The following PDE3B variants were observed in gnomAD, a reference collection of about 807,000 sequenced individuals.
PDE3B encodes the protein phosphodiesterase 3B.
In PDE3B, 66 loss-of-function variants were observed where a neutral mutation model predicts 116.8. The observed-to-expected ratio is 0.56, with a 90% confidence interval of 0.46 to 0.69. The LOEUF is 0.69. Ranked by LOEUF, PDE3B falls within the 30% of genes least tolerant of loss-of-function variation. PDE3B has a pLI of 0.00. For missense variants in PDE3B, 1,384 were observed against 1,368.1 expected (o/e 1.01, Z -0.18); for synonymous variants, 595 against 533.6 (o/e 1.12, Z -1.59).
the PDE3B span, among the ~76,000 whole-genome samples, chr11:14,887,944 CCTTGT>C: frequency 6.6e-6 from 1 of 152,186 alleles, no homozygotes; most frequent in Non-Finnish European, 1.5e-5. Context: ...CTAATTTCAT[CCTTGT>C]CTTTTTACAG....
rs547311276 is a variant in PDE3B, at chr11:14,802,784, C to A, written c.1416-1160C>A. Among the ~76,000 whole-genome samples, 15 of 152,288 alleles carry A rather than the reference C, an allele frequency of 9.8e-5. No homozygotes were observed. The East Asian group carries it at 2.7e-3, about 27-fold the overall frequency. On this transcript the variant is annotated intron_variant, in intron 4 of 15. Coordinates refer to ENST00000282096, the MANE Select transcript of PDE3B (RefSeq NM_000922.4). ...GCTGTGGATGCCCATCCAGGAAACA[C>A]AGACTCCAAGGAAATAGGGTCAGTG...
chr11:14,779,951 A>G (rs749579476), intron 2 of PDE3B, among the ~76,000 whole-genome samples: 43 of 152,072 alleles, frequency 2.8e-4, no homozygotes, highest in Non-Finnish European at 5.9e-4. Flanking sequence ...GCATAGGCTC[A>G]AAATAAAGGG....
At chr11:14,763,918 G>C (rs1413757972) in intron 1 of PDE3B, among the ~76,000 whole-genome samples, 1 of 152,032 alleles carries the variant, frequency 6.6e-6, no homozygotes, top group African/African-American at 2.4e-5. Flanking sequence ...GCAGAACTTA[G>C]TTACAATGCC....
intron 1 of PDE3B, among the ~76,000 whole-genome samples, chr11:14,722,292 T>C (rs976567007): frequency 2.0e-5 from 3 of 151,824 alleles, no homozygotes; most frequent in Middle Eastern, 3.4e-3. Flanking sequence ...CACATGTACC[T>C]TAAAACTTAA....
chr11:14,825,317 C>T (rs1041232252), intron 7 of PDE3B, among the ~76,000 whole-genome samples: 2 of 152,042 alleles, frequency 1.3e-5, no homozygotes, highest in African/African-American at 4.8e-5. Flanking sequence ...GGGCTAAATG[C>T]CCCATTTAAA....
the PDE3B span, among the ~76,000 whole-genome samples, chr11:14,889,455 T>C: frequency 2.0e-5 from 3 of 152,228 alleles, no homozygotes; most frequent in African/African-American, 2.4e-5. Context: ...TTGGTGGTTA[T>C]CAACTAGATC....
chr11:14,661,812 A>G (rs1853928716), intron 1 of PDE3B, among the ~76,000 whole-genome samples: 1 of 152,204 alleles, frequency 6.6e-6, no homozygotes, highest in South Asian at 2.1e-4. Context: ...GTAAGCTCGA[A>G]CTGGGTGGAA....
intron 1 of PDE3B, among the ~76,000 whole-genome samples, chr11:14,726,025 A>G (rs964776174): frequency 1.3e-5 from 2 of 152,150 alleles, no homozygotes; most frequent in African/African-American, 4.8e-5. Context: ...AGACTCCGCT[A>G]TTCCTTGAAG....
At position 14,843,992 on chromosome 11, in the gene PDE3B, C is replaced by A; in HGVS notation, c.2486C>A (p.Thr829Lys). The change falls in exon 12 of 16, where the codon ACA (threonine) becomes AAA (lysine). Residue 829 changes from threonine to lysine, a missense_variant. Physicochemically the swap from Thr to Lys is moderately conservative, Grantham distance 78. Coordinates refer to ENST00000282096, the MANE Select transcript of PDE3B (RefSeq NM_000922.4). ...CATGATTATGATCACCCAGGGAGGA[C>A]AAATGCATTTCTAGTGGCTACAAAT... ...AMHDYDHPGR[T>K]NAFLVATNAP... The A allele has an allele frequency of 6.2e-7, 1 of 1,613,990 alleles. No homozygotes were observed. The highest frequency in any genetic ancestry group is 8.5e-7 in the Non-Finnish European group (1 of 1,179,928).
At chr11:14,834,042 G>A (rs1327761424) in intron 10 of PDE3B, among the ~76,000 whole-genome samples, 1 of 152,118 alleles carries the variant, frequency 6.6e-6, no homozygotes, top group Non-Finnish European at 1.5e-5. Flanking sequence ...TCCATAGGTA[G>A]TACTAATATA....
intron 1 of PDE3B, among the ~76,000 whole-genome samples, chr11:14,715,704 C>G (rs991407733): frequency 6.6e-6 from 1 of 152,192 alleles, no homozygotes; most frequent in Non-Finnish European, 1.5e-5. Context: ...TATCTGCAAA[C>G]AGAGACTATT....
At chr11:14,709,415 G>A (rs113160759) in intron 1 of PDE3B, among the ~76,000 whole-genome samples, 1 of 152,156 alleles carries the variant, frequency 6.6e-6, no homozygotes, top group South Asian at 2.1e-4. Flanking sequence ...AATCACATCG[G>A]TGTGGATTAA....
At chr11:14,830,945 T>C in intron 8 of PDE3B, 99 bp downstream of exon 8, 1 of 643,686 alleles carries the variant, frequency 1.6e-6, no homozygotes, top group Non-Finnish European at 2.3e-6. Context: ...TTTAATATAG[T>C]AGTATTTTTT....
At chr11:14,886,334 A>G in the PDE3B span, 1 of 175,550 alleles carries the variant, frequency 5.7e-6, no homozygotes, top group Admixed American at 5.5e-5. Flanking sequence ...ATATCTAGGA[A>G]TCTCCTTCTA....
intron 1 of PDE3B, among the ~76,000 whole-genome samples, chr11:14,672,048 TA>T (rs1414300516): frequency 1.4e-5 from 2 of 145,910 alleles, no homozygotes; most frequent in Admixed American, 1.4e-4. Context: ...TATATATACA[TA>T]TATATATGTA....
intron 4 of PDE3B, among the ~76,000 whole-genome samples, chr11:14,798,409 C>A (rs1189652263): frequency 2.6e-5 from 4 of 152,136 alleles, no homozygotes; most frequent in African/African-American, 9.7e-5. Context: ...TGTTGTGTCT[C>A]TTCCAGGTTT....
chr11:14,666,566 T>A (rs1308848867), intron 1 of PDE3B, among the ~76,000 whole-genome samples: 4 of 151,106 alleles, frequency 2.6e-5, no homozygotes, highest in African/African-American at 4.9e-5. Flanking sequence ...GAATCTACAA[T>A]GAACTCAAAC....
chr11:14,653,189 T>G (rs1246629414), intron 1 of PDE3B, among the ~76,000 whole-genome samples: 1 of 152,212 alleles, frequency 6.6e-6, no homozygotes, highest in African/African-American at 2.4e-5. Flanking sequence ...CTTCAGGGTC[T>G]TAACTTAGTT....
intron 1 of PDE3B, among the ~76,000 whole-genome samples, chr11:14,738,643 T>G (rs982752984): frequency 5.3e-5 from 8 of 152,234 alleles, no homozygotes; most frequent in African/African-American, 1.7e-4. Flanking sequence ...TTGTTGCCAT[T>G]GCTTTTTGTA....
Sources: allele counts gnomAD v4.1 joint callset (sites outside exome capture counted in the v4.1 genomes callset), GRCh38; gene constraint gnomAD v4.1.1; transcripts MANE v1.5; gene names NCBI Gene and HGNC (gene_info 2026-07-23, HGNC 2026-07-21).